Variants in MTOR observed in about 807,000 individuals in gnomAD.
MTOR encodes the protein serine/threonine-protein kinase mTOR.
Under a neutral mutation model 319.8 loss-of-function variants are expected in MTOR, and 70 were observed. That is an observed-to-expected ratio of 0.22 (90% confidence interval 0.18 to 0.27). The LOEUF is 0.27. Among genes scored for constraint, MTOR ranks in the 10% least tolerant of loss-of-function variants. The pLI is 1.00. For synonymous variants in MTOR, 1,183 were observed against 1,211.4 expected, an observed-to-expected ratio of 0.98 and a Z score of 0.49; for missense variants, 1,890 against 3,274.4, an observed-to-expected ratio of 0.58 and a Z score of 10.32.
At chr1:11,204,454 G>A in intron 26 of MTOR, 107 bp downstream of exon 26, 1 of 1,405,088 alleles carries the variant, frequency 7.1e-7, no homozygotes. Flanking sequence ...CACAAAATTA[G>A]AAAAATTAAA....
At chr1:11,150,326 T>C (rs939160764) in intron 30 of MTOR, 100 bp from the exon 31 acceptor site, 3 of 907,956 alleles carry the variant, frequency 3.3e-6, no homozygotes, top group Non-Finnish European at 5.1e-6. Flanking sequence ...ACACAGGAAC[T>C]GGACACCTTT....
chr1:11,250,762 A>T (rs1649566713), intron 6 of MTOR, among the ~76,000 whole-genome samples: 1 of 152,152 alleles, frequency 6.6e-6, no homozygotes, highest in Non-Finnish European at 1.5e-5. Flanking sequence ...AACAGGTTCA[A>T]AACCAAATTC....
chr1:11,139,269 A>C (rs1337027733), intron 36 of MTOR, 35 bp downstream of exon 36: 1 of 1,564,618 alleles, frequency 6.4e-7, no homozygotes. Flanking sequence ...CATTCTGGAG[A>C]AGGTGGTCTG....
intron 26 of MTOR, among the ~76,000 whole-genome samples, chr1:11,201,589 TATAA>T (rs1184688681): frequency 2.0e-5 from 3 of 152,142 alleles, no homozygotes; most frequent in Non-Finnish European, 2.9e-5. Flanking sequence ...TATGCCTCAT[TATAA>T]ATAATTAATA....
At chr1:11,235,283 TAAC>T (rs1647162754) in intron 13 of MTOR, among the ~76,000 whole-genome samples, 1 of 152,100 alleles carries the variant, frequency 6.6e-6, no homozygotes, top group South Asian at 2.1e-4. Flanking sequence ...TGCATCCTAA[TAAC>T]AATAACCAAT....
chr1:11,151,695 C>G (rs755439885), intron 30 of MTOR, among the ~76,000 whole-genome samples: 13 of 152,218 alleles, frequency 8.5e-5, no homozygotes, highest in Non-Finnish European at 1.6e-4. Context: ...CACAGCTCAT[C>G]TGCACAGCAT....
chr1:11,147,874 T>A (rs1557774345), intron 31 of MTOR, among the ~76,000 whole-genome samples: 1 of 152,280 alleles, frequency 6.6e-6, no homozygotes, highest in Admixed American at 6.5e-5. Flanking sequence ...GAAATTGACA[T>A]GTCTGCAGGG....
At chr1:11,140,968 T>C (rs1040930534) in intron 34 of MTOR, among the ~76,000 whole-genome samples, 10 of 134,484 alleles carry the variant, frequency 7.4e-5, no homozygotes, top group Non-Finnish European at 1.3e-4. Flanking sequence ...AGCCTAAACC[T>C]CCATTAAGAC....
chr1:11,140,686 T>C (rs1449700455), intron 34 of MTOR, among the ~76,000 whole-genome samples: 2 of 152,156 alleles, frequency 1.3e-5, no homozygotes, highest in African/African-American at 4.8e-5. Flanking sequence ...GGAATAAAAA[T>C]AGTACCAGTT....
In MTOR at chr1:11,257,175, A is replaced by G; in HGVS notation, c.272-10T>C. The G allele has an allele frequency of 1.2e-6, 2 of 1,607,198 alleles. No individual in the cohort carries two copies. The highest frequency in any genetic ancestry group is 1.7e-6 in the Non-Finnish European group (2 of 1,176,074). Reference sequence around the variant, plus strand: ...ACTCCTATGAGGCTAGCTGCAAAAGAGAGGAAGGCAAAAGGTGATGATGGG... The same window carrying G: ...ACTCCTATGAGGCTAGCTGCAAAAGGGAGGAAGGCAAAAGGTGATGATGGG... On this transcript the variant is annotated splice_polypyrimidine_tract_variant and intron_variant, in intron 3 of 57. Coordinates refer to ENST00000361445, the MANE Select transcript of MTOR (RefSeq NM_004958.4).
intron 29 of MTOR, among the ~76,000 whole-genome samples, chr1:11,165,562 G>C (rs558148049): frequency 1.3e-4 from 20 of 152,106 alleles, no homozygotes; most frequent in Admixed American, 3.3e-4. Context: ...TCTTCAAGGA[G>C]AACTACAAAC....
intron 11 of MTOR, among the ~76,000 whole-genome samples, chr1:11,239,902 C>CAAAAAAAAAAA: frequency 8.2e-6 from 1 of 121,946 alleles, no homozygotes; most frequent in Non-Finnish European, 1.7e-5. Context: ...GACTTTGTCT[C>CAAAAAAAAAAA]AAAAAAAAAA....
At chr1:11,147,055 C>G (rs2100521398) in intron 31 of MTOR, among the ~76,000 whole-genome samples, 1 of 152,294 alleles carries the variant, frequency 6.6e-6, no homozygotes, top group South Asian at 2.1e-4. Context: ...AGGGGAAGTG[C>G]ATGAGTGTGA....
intron 28 of MTOR, among the ~76,000 whole-genome samples, chr1:11,178,460 C>T (rs771166624): frequency 1.3e-4 from 20 of 152,220 alleles, no homozygotes; most frequent in Non-Finnish European, 2.4e-4. Context: ...AAGGCTCTGG[C>T]TGATTTAGGG....
intron 53 of MTOR, among the ~76,000 whole-genome samples, chr1:11,114,052 T>A (rs1199631484): frequency 1.3e-5 from 2 of 152,108 alleles, no homozygotes. Context: ...GTTTCCTGAG[T>A]TCTCCCCAGC....
intron 26 of MTOR, among the ~76,000 whole-genome samples, chr1:11,202,606 C>G (rs1211038074): frequency 6.6e-6 from 1 of 151,310 alleles, no homozygotes; most frequent in Middle Eastern, 3.2e-3. Flanking sequence ...ACTCCAAAAT[C>G]TATAAAAATT....
At chr1:11,116,400 G>C (rs1392758183) in intron 50 of MTOR, among the ~76,000 whole-genome samples, 1 of 152,124 alleles carries the variant, frequency 6.6e-6, no homozygotes, top group East Asian at 1.9e-4. Flanking sequence ...CTACAGCTTT[G>C]ACCTTCTGGA....
intron 28 of MTOR, chr1:11,194,969 C>G (rs201880929): frequency 1.2e-6 from 2 of 1,614,096 alleles, no homozygotes; most frequent in Non-Finnish European, 1.7e-6. Flanking sequence ...ATGGATCTAC[C>G]TACTCCCTCA....
In MTOR at chr1:11,121,219, G is replaced by C. The variant is rs1365245640; in HGVS notation, c.6933+27C>G. ...TTGCGAGTGGGGGTTCCAGGAGAGCGCAGGTCTGCAGGGCCCAGTGGCCTA... is the reference window on the plus strand; with the variant it reads ...TTGCGAGTGGGGGTTCCAGGAGAGCCCAGGTCTGCAGGGCCCAGTGGCCTA... On this transcript the variant is annotated intron_variant, in intron 49 of 57. Transcript: ENST00000361445. This position sits in a 1 kb window ranked among gnomAD's most constrained non-coding sequence, Gnocchi z 4.9. 2 of 1,610,810 alleles carry C rather than the reference G, an allele frequency of 1.2e-6. No homozygotes were observed. Among genetic ancestry groups the C allele is most frequent in the Non-Finnish European group, 1.7e-6 (2 of 1,179,842 alleles).
Sources: allele counts gnomAD v4.1 joint callset (sites outside exome capture counted in the v4.1 genomes callset), GRCh38; gene constraint gnomAD v4.1.1; non-coding constraint Gnocchi (gnomAD v3.1); transcripts MANE v1.5; gene names NCBI Gene and HGNC (gene_info 2026-07-23, HGNC 2026-07-21).